The following KANSL1L variants were observed in gnomAD, a reference collection of about 807,000 sequenced individuals.
The protein encoded by KANSL1L is KAT8 regulatory NSL complex subunit 1 like, also known as KAT8 regulatory NSL complex subunit 1-like protein.
Under a neutral mutation model 108.6 loss-of-function variants are expected in KANSL1L, and 25 were observed. That is an observed-to-expected ratio of 0.23 (90% CI 0.17 to 0.32). KANSL1L has a LOEUF of 0.32. Among genes scored for constraint, KANSL1L ranks in the 10% least tolerant of loss-of-function variants. KANSL1L has a pLI of 1.00. For missense variants in KANSL1L, 1,137 were observed against 1,125.7 expected (o/e 1.01, Z -0.14); for synonymous variants, 405 against 395.1 (o/e 1.03, Z -0.30).
chr2:210,096,074 C>G (rs2094733070), intron 5 of KANSL1L, among the ~76,000 whole-genome samples: 1 of 152,080 alleles, frequency 6.6e-6, no homozygotes, highest in Admixed American at 6.5e-5. Context: ...CTTTCAAAAG[C>G]AAACCTTTTC....
At chr2:210,165,763 T>C (rs1346807479) in intron 1 of KANSL1L, among the ~76,000 whole-genome samples, 3 of 152,224 alleles carry the variant, frequency 2.0e-5, no homozygotes, top group East Asian at 1.9e-4. Context: ...AAGCATGAGT[T>C]ACTATTAGTT....
At chr2:210,125,905 C>CT (rs2095061630) in intron 3 of KANSL1L, among the ~76,000 whole-genome samples, 1 of 152,138 alleles carries the variant, frequency 6.6e-6, no homozygotes, top group Non-Finnish European at 1.5e-5. Flanking sequence ...CATTTCTCCT[C>CT]TTAAGATCAG....
intron 5 of KANSL1L, chr2:210,096,966 C>CA (rs2094742482): frequency 4.3e-6 from 1 of 233,408 alleles, no homozygotes; most frequent in Non-Finnish European, 7.0e-6. Flanking sequence ...TTTTTGGAGA[C>CA]AGAGTCTTGC....
In KANSL1L at chr2:210,043,975, C is replaced by G. The variant is rs1328184497; in HGVS notation, c.1885G>C (p.Asp629His). The change falls in exon 7 of 15, where the codon GAT becomes CAT. Residue 629 changes from aspartate (D) to histidine (H), a missense_variant. Asp to His is a moderately conservative substitution (Grantham distance 81). Transcript: ENST00000281772. The part of the protein sequence containing the change: ...YLLREHVSEL[D>H]SSFHSVLSLP... ...GATAGAACAGAATGGAAAGAGGAAT[C>G]TAACTCTGATACATGTTCTCTTAAT... The G allele has an allele frequency of 6.2e-7, 1 of 1,601,614 alleles. No homozygotes were observed.
intron 3 of KANSL1L, among the ~76,000 whole-genome samples, chr2:210,112,991 T>C (rs78677621): frequency 1.9e-3 from 287 of 152,334 alleles, no homozygotes; most frequent in Middle Eastern, 3.4e-3. Context: ...CATACATTTC[T>C]GAAGCAATCT....
chr2:210,031,571 TAA>T (rs755572031), intron 8 of KANSL1L, 25 bp from the exon 9 acceptor site: 3 of 1,434,800 alleles, frequency 2.1e-6, no homozygotes, highest in Non-Finnish European at 1.9e-6. Context: ...AAGGAAATAT[TAA>T]GTTTTAGTTC....
intron 8 of KANSL1L, among the ~76,000 whole-genome samples, chr2:210,039,173 C>T (rs886860309): frequency 6.6e-6 from 1 of 151,834 alleles, no homozygotes; most frequent in African/African-American, 2.4e-5. Flanking sequence ...AGAATAACTT[C>T]GTTCCAATAA....
intron 6 of KANSL1L, among the ~76,000 whole-genome samples, chr2:210,067,554 T>C (rs2094475063): frequency 6.6e-6 from 1 of 151,370 alleles, no homozygotes; most frequent in Admixed American, 6.6e-5. Flanking sequence ...AAAGGAAAAA[T>C]TGGCCAGGCA....
intron 5 of KANSL1L, among the ~76,000 whole-genome samples, chr2:210,091,383 C>T (rs1044497695): frequency 6.6e-6 from 1 of 151,918 alleles, no homozygotes; most frequent in Non-Finnish European, 1.5e-5. Context: ...ATTTTCTTAA[C>T]CTTTTAAAAA....
intron 2 of KANSL1L, chr2:210,152,989 G>T (rs1383963912): frequency 2.6e-5 from 4 of 152,188 alleles, no homozygotes; most frequent in African/African-American, 9.7e-5. Context: ...TTTTTAAATA[G>T]TATGTATATA....
intron 6 of KANSL1L, among the ~76,000 whole-genome samples, chr2:210,051,839 T>C (rs900278313): frequency 1.3e-5 from 2 of 152,170 alleles, no homozygotes; most frequent in Non-Finnish European, 2.9e-5. Context: ...TTTGTGGGCC[T>C]TATCAAACTG....
chr2:210,057,350 C>G lies in KANSL1L; in HGVS notation c.1756-13246G>C, dbSNP rs546915496. 7.9e-5 allele frequency among the ~76,000 whole-genome samples: 12 copies of G among 152,190 alleles called. No individual in the cohort carries two copies. In the East Asian group the frequency reaches 1.7e-3, roughly 22 times the overall value. ...CCTGGAGGCAGAGGTTGCAGTGAGC[C>G]AAGATCGTTGACACTGCACTCCAGC... is the stretch of plus-strand genomic sequence containing the variant. On this transcript the variant is annotated intron_variant, in intron 6 of 14. Coordinates refer to ENST00000281772, the MANE Select transcript of KANSL1L (RefSeq NM_152519.4).
intron 6 of KANSL1L, among the ~76,000 whole-genome samples, chr2:210,066,572 T>C (rs938297421): frequency 6.6e-6 from 1 of 152,178 alleles, no homozygotes; most frequent in African/African-American, 2.4e-5. Flanking sequence ...ACCTACACGG[T>C]GTCACTTTGT....
intron 6 of KANSL1L, among the ~76,000 whole-genome samples, chr2:210,050,725 C>T (rs938705250): frequency 4.6e-5 from 7 of 150,538 alleles, no homozygotes; most frequent in Admixed American, 4.6e-4. Flanking sequence ...ATTAGCTGGG[C>T]ACAGTGGCAC....
chr2:210,024,262 G>C, intron 13 of KANSL1L, 61 bp from the exon 14 acceptor site: 1 of 1,363,758 alleles, frequency 7.3e-7, no homozygotes, highest in Non-Finnish European at 9.9e-7. Context: ...GAAAATTTAT[G>C]AACAACCCAA....
At chr2:210,127,233 A>G (rs943444353) in intron 3 of KANSL1L, among the ~76,000 whole-genome samples, 23 of 152,174 alleles carry the variant, frequency 1.5e-4, no homozygotes, top group African/African-American at 5.1e-4. Context: ...GTAAAACTGA[A>G]TATCTGAATG....
At chr2:210,033,830 G>A (rs1559502300) in intron 8 of KANSL1L, among the ~76,000 whole-genome samples, 1 of 151,990 alleles carries the variant, frequency 6.6e-6, no homozygotes, top group Non-Finnish European at 1.5e-5. Flanking sequence ...GAGCCACCGC[G>A]CCCGGCCAAA....
At chr2:210,073,521 T>C (rs2094521486) in intron 6 of KANSL1L, among the ~76,000 whole-genome samples, 1 of 150,526 alleles carries the variant, frequency 6.6e-6, no homozygotes, top group Admixed American at 6.7e-5. Flanking sequence ...CATAGCGAGA[T>C]GTCTAAAAAA....
chr2:210,157,479 G>C (rs2095340032), intron 1 of KANSL1L, among the ~76,000 whole-genome samples: 1 of 151,962 alleles, frequency 6.6e-6, no homozygotes, highest in Admixed American at 6.6e-5. Flanking sequence ...AGGATTGCTG[G>C]AGCCCTGGAG....
Sources: allele counts gnomAD v4.1 joint callset (sites outside exome capture counted in the v4.1 genomes callset), GRCh38; gene constraint gnomAD v4.1.1; transcripts MANE v1.5; gene names NCBI Gene and HGNC (gene_info 2026-07-23, HGNC 2026-07-21).